Variants in CARD8 observed in about 807,000 individuals in gnomAD.
CARD8 encodes caspase recruitment domain family member 8, also known as caspase recruitment domain-containing protein 8.
Under a neutral mutation model 53.2 loss-of-function variants are expected in CARD8, and 38 were observed. The observed-to-expected ratio is 0.71, with a 90% CI of 0.55 to 0.94. The LOEUF is 0.94. CARD8 is among the 40% of genes least tolerant of loss of function. The pLI is 0.00. For synonymous variants in CARD8, 245 were observed against 244.9 expected (o/e 1.00, Z 0.00); for missense variants, 561 against 655.5 (o/e 0.86, Z 1.57).
intron 10 of CARD8, among the ~76,000 whole-genome samples, chr19:48,226,981 C>T (rs1043230316): frequency 2.6e-5 from 4 of 151,104 alleles, no homozygotes; most frequent in Non-Finnish European, 5.9e-5. Context: ...ACCATAATCC[C>T]GGTGAGGCAT....
At chr19:48,204,212 G>A (rs1427395839), downstream of CARD8, 2 of 455,694 alleles carry the variant, frequency 4.4e-6, no homozygotes, top group East Asian at 1.4e-4. Context: ...GCGCAGGAGG[G>A]GGATTCAAAG....
downstream of CARD8, chr19:48,204,093 C>T (rs1046979330): frequency 1.6e-5 from 7 of 449,300 alleles, no homozygotes; most frequent in Non-Finnish European, 2.7e-5. Flanking sequence ...TTGTGGGGCC[C>T]GCTTGGATCT....
intron 6 of CARD8, chr19:48,233,607 T>C (rs930372779): frequency 9.0e-6 from 3 of 333,336 alleles, no homozygotes; most frequent in Admixed American, 4.2e-5. Flanking sequence ...TCCTGGTGCA[T>C]GTGCATGCTG....
At position 48,230,926 on chromosome 19, in the gene CARD8, G is replaced by A. The variant is rs139343522; in HGVS notation, c.623C>T (p.Thr208Met). The A allele has an allele frequency of 2.5e-4, 405 of 1,614,188 alleles. 2 individuals carry two copies. In the African/African-American group the frequency reaches 4.5e-3, roughly 18 times the overall value. ...GFLVRDEVTV[T>M]IAFGSWSQHL... ...CTGACTCCAGGAACCAAACGCAATCGTCACTGTGACCTCATCCCTTACCAG... is the reference window on the plus strand; with the variant it reads ...CTGACTCCAGGAACCAAACGCAATCATCACTGTGACCTCATCCCTTACCAG... Residue 208 changes from threonine (T) to methionine (M), a missense_variant, in exon 9 of 14, where the codon ACG becomes ATG. Transcript: ENST00000651546.
At chr19:48,247,769 TATATATATAC>T (rs894434530) in intron 3 of CARD8, among the ~76,000 whole-genome samples, 97 of 118,578 alleles carry the variant, frequency 8.2e-4, no homozygotes, top group African/African-American at 1.4e-3. Context: ...TATATATATA[TATATATATAC>T]ACACACACAC....
Position 48,211,188 on chromosome 19 carries a change from G to A in CARD8, c.*522C>T, listed in dbSNP as rs1246034918. 2 of 152,528 alleles carry A rather than the reference G, an allele frequency of 1.3e-5. No homozygotes were observed. The highest frequency in any genetic ancestry group is 4.8e-5 in the African/African-American group (2 of 41,280). 9.4% of individuals were successfully genotyped at this position (152,528 alleles called of 1,614,324 possible). A position where few individuals can be genotyped will look rare whatever the true frequency, so the allele number is the denominator to read the frequency against. On this transcript the variant is annotated 3_prime_UTR_variant, in exon 14 of 14. Transcript: ENST00000651546. Reference sequence around the variant, plus strand: ...ATACATTTACATTGTTCTAATAACAGTAGCCATAGATAAAGTGTTAAAGTC... The same window carrying A: ...ATACATTTACATTGTTCTAATAACAATAGCCATAGATAAAGTGTTAAAGTC...
downstream of CARD8, among the ~76,000 whole-genome samples, chr19:48,205,017 CATT>C (rs1233926132): frequency 3.9e-5 from 6 of 152,072 alleles, no homozygotes; most frequent in Admixed American, 2.0e-4. Flanking sequence ...TGGCAGCTCT[CATT>C]ATGGTTAATT....
rs1417790006 is a variant in CARD8, at chr19:48,208,368, C to G, written c.*3342G>C. 6.6e-6 allele frequency: 1 copy of G among 152,196 alleles called. No individual in the cohort carries two copies. The highest frequency in any genetic ancestry group is 1.5e-5 in the Non-Finnish European group (1 of 68,040). The allele number at this position is 152,196 out of a possible 1,614,324, so 9.4% of individuals were successfully genotyped here. On this transcript the variant is annotated 3_prime_UTR_variant, in exon 14 of 14. Transcript: ENST00000651546. ...CTGAGAATGGAGCTAACAGGATACA[C>G]TGCACCCAATCTCATAGGCACACAC...
At chr19:48,244,707 G>A (rs544797625) in intron 3 of CARD8, among the ~76,000 whole-genome samples, 4 of 152,238 alleles carry the variant, frequency 2.6e-5, no homozygotes, top group South Asian at 2.1e-4. Context: ...GGCATGGAAC[G>A]GTCCCATGCA....
chr19:48,217,126 C>T (rs890137402), intron 12 of CARD8, among the ~76,000 whole-genome samples: 3 of 152,030 alleles, frequency 2.0e-5, no homozygotes, highest in African/African-American at 7.3e-5. Context: ...GGAGGCAGAG[C>T]GCAGGCGGTA....
rs1600609619 is a variant in CARD8, at chr19:48,241,493, T to C, written c.-43-430A>G. On this transcript the variant is annotated intron_variant, in intron 3 of 13. Transcript: ENST00000651546. The stretch of plus-strand genomic sequence containing the variant: ...CTGGTCTCAAACTCCCAACCTCAGG[T>C]GATCGGCCCGTCTCGGCCTCCCAAA... Among the ~76,000 whole-genome samples the C allele has an allele frequency of 2.6e-5, 4 of 152,220 alleles. 1 individual carries two copies. Among genetic ancestry groups the C allele is most frequent in the Admixed American group, 2.6e-4 (4 of 15,290 alleles).
chr19:48,250,306 C>G, intron 1 of CARD8, among the ~76,000 whole-genome samples: 1 of 152,182 alleles, frequency 6.6e-6, no homozygotes, highest in East Asian at 1.9e-4. Flanking sequence ...GGATCAGGCA[C>G]AAAGGTGACA....
chr19:48,243,190 T>C (rs2045513488), intron 3 of CARD8, among the ~76,000 whole-genome samples: 1 of 152,130 alleles, frequency 6.6e-6, no homozygotes, highest in African/African-American at 2.4e-5. Flanking sequence ...TTTTTTTGTA[T>C]TTTTAGTAGA....
rs2123703127 is a variant in CARD8 at position 48,209,755 on chromosome 19, T to C, written c.*1955A>G. 6.6e-6 allele frequency: 1 copy of C among 152,458 alleles called. No homozygotes were observed. Among genetic ancestry groups the C allele is most frequent in the South Asian group, 2.1e-4 (1 of 4,830 alleles). 9.4% of individuals were successfully genotyped at this position (152,458 alleles called of 1,614,324 possible). ...CACTATTCATCAAAATTTTCATCTA[T>C]TCTCAAGACTGTTGATTTCAAACTA... is the stretch of plus-strand genomic sequence containing the variant. On this transcript the variant is annotated 3_prime_UTR_variant, in exon 14 of 14. Transcript: ENST00000651546.
intron 12 of CARD8, 141 bp downstream of exon 12, chr19:48,218,730 G>T: frequency 1.2e-6 from 1 of 869,328 alleles, no homozygotes; most frequent in Non-Finnish European, 1.8e-6. Flanking sequence ...CCCTCCCTGT[G>T]TCCATGTGTT....
At position 48,208,543 on chromosome 19, in the gene CARD8, A is replaced by G. The variant is rs1035581556; in HGVS notation, c.*3167T>C. 1.3e-5 allele frequency: 2 copies of G among 152,232 alleles called. No homozygotes were observed. Among genetic ancestry groups the G allele is most frequent in the Admixed American group, 1.3e-4 (2 of 15,274 alleles). The allele number at this position is 152,232 out of a possible 1,614,324, so 9.4% of individuals were successfully genotyped here. A position where few individuals can be genotyped will look rare whatever the true frequency, so the allele number is the denominator to read the frequency against. On this transcript the variant is annotated 3_prime_UTR_variant, in exon 14 of 14. Coordinates refer to ENST00000651546, the MANE Select transcript of CARD8 (RefSeq NM_001184900.3). ...GATAACATTCACATTTCGAGGGTACATATCGGAACTACTGAGAATACAAGG... is the reference window on the plus strand; with the variant it reads ...GATAACATTCACATTTCGAGGGTACGTATCGGAACTACTGAGAATACAAGG...
chr19:48,237,745 C>G (rs953956532), intron 5 of CARD8, among the ~76,000 whole-genome samples: 1 of 151,130 alleles, frequency 6.6e-6, no homozygotes, highest in African/African-American at 2.4e-5. Flanking sequence ...TGTAGTGAGC[C>G]AAGATCGTGC....
At chr19:48,206,165 TG>T (rs1305988727), downstream of CARD8, among the ~76,000 whole-genome samples, 1 of 152,180 alleles carries the variant, frequency 6.6e-6, no homozygotes, top group African/African-American at 2.4e-5. Context: ...CCCAGAGTGC[TG>T]GGATTACAGC....
At chr19:48,243,840 T>C (rs1036150887) in intron 3 of CARD8, among the ~76,000 whole-genome samples, 1 of 152,190 alleles carries the variant, frequency 6.6e-6, no homozygotes, top group Non-Finnish European at 1.5e-5. Flanking sequence ...GACAAAGCAA[T>C]ACCTCATTTC....
Sources: gnomAD v4.1 joint callset for allele counts (sites outside exome capture counted in the v4.1 genomes callset) on GRCh38, gnomAD v4.1.1 for gene constraint, MANE v1.5 for transcripts, NCBI Gene and HGNC (gene_info 2026-07-23, HGNC 2026-07-21) for gene names.